The following UNC13C variants were observed in gnomAD, a reference collection of about 807,000 sequenced individuals.
The protein encoded by UNC13C is unc-13 homolog C.
UNC13C carries 174 observed loss-of-function variants against 245.4 expected under a neutral mutation model. The ratio of observed to expected loss-of-function variants is 0.71; its 90% CI spans 0.63 to 0.80. The LOEUF (loss-of-function observed/expected upper bound fraction) is 0.80, where lower values mean the gene tolerates loss of function less well. Ranked by LOEUF, UNC13C falls within the 30% of genes least tolerant of loss-of-function variation. The probability of loss-of-function intolerance (pLI) is 0.00; values close to 1 mark genes in which losing one functional copy is unlikely to be tolerated. For synonymous variants in UNC13C, 992 were observed against 895.1 expected (o/e 1.11, Z -1.93); for missense variants, 2,829 against 2,602.9 (o/e 1.09, Z -1.89).
At chr15:53,993,364 A>T (rs1894475543) in intron 1 of UNC13C, among the ~76,000 whole-genome samples, 1 of 152,128 alleles carries the variant, frequency 6.6e-6, no homozygotes, top group Non-Finnish European at 1.5e-5. Context: ...AGCAGAAGAG[A>T]GAGAATGAGC....
chr15:54,329,342 T>C (rs1352216300), intron 14 of UNC13C, among the ~76,000 whole-genome samples: 1 of 152,034 alleles, frequency 6.6e-6, no homozygotes. Flanking sequence ...TTGTTAACTA[T>C]AGTTGCCCTA....
At chr15:53,993,595 G>T (rs993912987) in intron 1 of UNC13C, among the ~76,000 whole-genome samples, 1 of 152,134 alleles carries the variant, frequency 6.6e-6, no homozygotes, top group South Asian at 2.1e-4. Context: ...ATTGACTTGA[G>T]TATCAGGGAT....
At chr15:54,057,411 C>G (rs62009790) in intron 2 of UNC13C, among the ~76,000 whole-genome samples, 1 of 150,628 alleles carries the variant, frequency 6.6e-6, no homozygotes, top group Non-Finnish European at 1.5e-5. Context: ...GAAGAGCTAA[C>G]TATCCTAAAT....
the UNC13C span, among the ~76,000 whole-genome samples, chr15:53,908,409 G>A: frequency 1.0e-3 from 153 of 146,316 alleles, 6 homozygotes; most frequent in African/African-American, 3.6e-3. Flanking sequence ...ACACAAAAAT[G>A]AAATGGTCAG....
At chr15:54,069,211 G>T (rs1448127343) in intron 2 of UNC13C, among the ~76,000 whole-genome samples, 5 of 152,166 alleles carry the variant, frequency 3.3e-5, no homozygotes, top group Non-Finnish European at 7.3e-5. Flanking sequence ...CTGTCTGAAA[G>T]TGTTTAAGCA....
At chr15:54,414,448 A>G (rs2040477625) in intron 18 of UNC13C, among the ~76,000 whole-genome samples, 1 of 152,144 alleles carries the variant, frequency 6.6e-6, no homozygotes, top group African/African-American at 2.4e-5. Context: ...GGAGCTCCAG[A>G]CTAGCCTGAA....
At chr15:54,301,788 C>T (rs541961584) in intron 13 of UNC13C, among the ~76,000 whole-genome samples, 1 of 152,008 alleles carries the variant, frequency 6.6e-6, no homozygotes, top group East Asian at 1.9e-4. Flanking sequence ...ATTTATAATC[C>T]TTTGGGTATA....
chr15:53,920,530 G>A, the UNC13C span, among the ~76,000 whole-genome samples: 1 of 152,096 alleles, frequency 6.6e-6, no homozygotes, highest in Non-Finnish European at 1.5e-5. Context: ...TCCAGCCTGG[G>A]TGACAAGAGT....
intron 19 of UNC13C, among the ~76,000 whole-genome samples, chr15:54,485,972 A>AT (rs970322312): frequency 2.0e-5 from 3 of 151,816 alleles, no homozygotes; most frequent in Admixed American, 6.6e-5. Flanking sequence ...TACATTATAT[A>AT]TTTTTTTTCC....
At chr15:54,303,418 T>C (rs996457591) in intron 13 of UNC13C, among the ~76,000 whole-genome samples, 7 of 152,158 alleles carry the variant, frequency 4.6e-5, no homozygotes, top group Non-Finnish European at 1.0e-4. Context: ...AAGTTAAATT[T>C]ATTCTAAAAT....
At chr15:54,483,004 C>G (rs1208077479) in intron 19 of UNC13C, among the ~76,000 whole-genome samples, 1 of 152,052 alleles carries the variant, frequency 6.6e-6, no homozygotes, top group African/African-American at 2.4e-5. Flanking sequence ...CAGAAGTGCT[C>G]TAAACATTTA....
chr15:54,578,377 T>C (rs1382021588), intron 30 of UNC13C, among the ~76,000 whole-genome samples: 1 of 152,216 alleles, frequency 6.6e-6, no homozygotes, highest in Non-Finnish European at 1.5e-5. Flanking sequence ...CAACTGTATA[T>C]ATGATGCATT....
intron 14 of UNC13C, among the ~76,000 whole-genome samples, chr15:54,326,756 C>T (rs1432262778): frequency 6.6e-6 from 1 of 151,926 alleles, no homozygotes; most frequent in Admixed American, 6.6e-5. Flanking sequence ...AGGGAAGTCT[C>T]AGGTCCAAAA....
chr15:54,475,023 A>G (rs59189476), intron 19 of UNC13C, among the ~76,000 whole-genome samples: 1 of 151,872 alleles, frequency 6.6e-6, no homozygotes, highest in Non-Finnish European at 1.5e-5. Context: ...TGACTCAAAC[A>G]CCTCCTATTA....
the UNC13C span, among the ~76,000 whole-genome samples, chr15:53,878,923 A>G: frequency 6.6e-6 from 1 of 152,154 alleles, no homozygotes. Flanking sequence ...AATTTGCAAT[A>G]TTATATTATG....
At chr15:54,184,886 G>GCA (rs2033923079) in intron 4 of UNC13C, among the ~76,000 whole-genome samples, 5 of 152,040 alleles carry the variant, frequency 3.3e-5, no homozygotes, top group Middle Eastern at 3.4e-3. Flanking sequence ...TCCCACCAAT[G>GCA]GTGTAAAAGT....
the UNC13C span, among the ~76,000 whole-genome samples, chr15:53,873,923 T>TTCCTTC: frequency 4.2e-5 from 2 of 47,584 alleles, no homozygotes; most frequent in African/African-American, 8.0e-5. Context: ...TTCCTTCCTT[T>TTCCTTC]CTTCCTTCCT....
At chr15:53,939,958 T>A in the UNC13C span, among the ~76,000 whole-genome samples, 5 of 152,174 alleles carry the variant, frequency 3.3e-5, no homozygotes, top group Non-Finnish European at 7.3e-5. Flanking sequence ...CGTTTGTTGG[T>A]TAACTTTGCC....
chr15:54,422,804 A>G (rs1567258898), intron 19 of UNC13C, among the ~76,000 whole-genome samples: 1 of 151,690 alleles, frequency 6.6e-6, no homozygotes, highest in African/African-American at 2.4e-5. Flanking sequence ...TCCCCAAAAC[A>G]CTTATTATAT....
Sources: gnomAD v4.1 joint callset for allele counts (sites outside exome capture counted in the v4.1 genomes callset) on GRCh38, gnomAD v4.1.1 for gene constraint, MANE v1.5 for transcripts, NCBI Gene and HGNC (gene_info 2026-07-23, HGNC 2026-07-21) for gene names.